Variants in SEMA3D observed in about 807,000 individuals in gnomAD.
SEMA3D encodes the protein semaphorin-3D.
Under a neutral mutation model 100.1 loss-of-function variants are expected in SEMA3D, and 84 were observed. The observed-to-expected ratio is 0.84, with a 90% confidence interval of 0.70 to 1.01. SEMA3D has a LOEUF of 1.01. SEMA3D is among the 50% of genes least tolerant of loss of function. SEMA3D has a pLI of 0.00. For synonymous variants in SEMA3D, 312 were observed against 320.7 expected (o/e 0.97, Z 0.29); for missense variants, 875 against 934.1 (o/e 0.94, Z 0.82).
intron 17 of SEMA3D, among the ~76,000 whole-genome samples, chr7:85,010,662 A>G (rs1036182007): frequency 6.6e-6 from 1 of 151,832 alleles, no homozygotes; most frequent in East Asian, 1.9e-4. Flanking sequence ...GCAATTTATT[A>G]ATATAGGAAA....
chr7:85,088,950 ATC>A (rs1489289745), intron 4 of SEMA3D, among the ~76,000 whole-genome samples: 2 of 152,126 alleles, frequency 1.3e-5, no homozygotes, highest in Non-Finnish European at 2.9e-5. Context: ...TCCACGAATC[ATC>A]TCTGTCTTCT....
At chr7:85,021,797 G>C in intron 13 of SEMA3D, among the ~76,000 whole-genome samples, 1 of 151,678 alleles carries the variant, frequency 6.6e-6, no homozygotes, top group African/African-American at 2.4e-5. Flanking sequence ...CTTTTTTTGA[G>C]ATTAAGTTTT....
intron 17 of SEMA3D, among the ~76,000 whole-genome samples, chr7:85,011,266 A>C (rs1294091284): frequency 6.6e-6 from 1 of 151,824 alleles, no homozygotes; most frequent in Non-Finnish European, 1.5e-5. Context: ...TTAGAGCTTA[A>C]GTAAAAATGA....
chr7:85,166,727 G>A (rs1371578285), intron 1 of SEMA3D, among the ~76,000 whole-genome samples: 1 of 151,922 alleles, frequency 6.6e-6, no homozygotes, highest in Non-Finnish European at 1.5e-5. Flanking sequence ...CATTAGAGAT[G>A]ACTGATGTGT....
At chr7:85,166,464 C>T (rs989404686) in intron 1 of SEMA3D, among the ~76,000 whole-genome samples, 5 of 151,844 alleles carry the variant, frequency 3.3e-5, no homozygotes, top group African/African-American at 1.2e-4. Flanking sequence ...AAAAAAAGAG[C>T]AAAGGAAAGT....
At chr7:85,077,954 T>A (rs1300691583) in intron 5 of SEMA3D, among the ~76,000 whole-genome samples, 2 of 152,146 alleles carry the variant, frequency 1.3e-5, no homozygotes, top group African/African-American at 4.8e-5. Flanking sequence ...CAATAGGGGA[T>A]TGATTAAATA....
At chr7:85,083,737 C>T (rs1482716352) in intron 4 of SEMA3D, among the ~76,000 whole-genome samples, 2 of 150,864 alleles carry the variant, frequency 1.3e-5, no homozygotes, top group East Asian at 2.0e-4. Context: ...GTCCCAGCTA[C>T]TCGGGAGGCT....
the SEMA3D span, among the ~76,000 whole-genome samples, chr7:85,213,368 A>G: frequency 1.3e-5 from 2 of 152,084 alleles, no homozygotes; most frequent in Non-Finnish European, 2.9e-5. Flanking sequence ...GAAATGTATT[A>G]AAAAGTATAG....
At chr7:85,135,170 C>T (rs987356824) in intron 2 of SEMA3D, among the ~76,000 whole-genome samples, 5 of 151,812 alleles carry the variant, frequency 3.3e-5, no homozygotes, top group African/African-American at 7.3e-5. Flanking sequence ...TAGCAGGTAA[C>T]GGCAACTTTG....
intron 3 of SEMA3D, among the ~76,000 whole-genome samples, chr7:85,115,931 G>A (rs147125084): frequency 2.8e-4 from 42 of 152,158 alleles, no homozygotes; most frequent in African/African-American, 8.9e-4. Context: ...CATTAGCAAT[G>A]TTTCCAAGCT....
At chr7:85,003,593 GTAAAA>G (rs1004925568) in intron 18 of SEMA3D, among the ~76,000 whole-genome samples, 5 of 145,746 alleles carry the variant, frequency 3.4e-5, no homozygotes, top group African/African-American at 1.0e-4. Context: ...CAAAATAAAT[GTAAAA>G]TAAAATAAAT....
At chr7:85,138,521 A>G (rs1173861347) in intron 2 of SEMA3D, among the ~76,000 whole-genome samples, 1 of 151,010 alleles carries the variant, frequency 6.6e-6, no homozygotes, top group African/African-American at 2.4e-5. Context: ...TAAAACATTT[A>G]CATAACTCAA....
intron 5 of SEMA3D, among the ~76,000 whole-genome samples, chr7:85,080,771 A>G (rs1284620474): frequency 6.6e-6 from 1 of 152,170 alleles, no homozygotes; most frequent in Non-Finnish European, 1.5e-5. Context: ...GAGATAAATC[A>G]GGTTACATGA....
intron 11 of SEMA3D, among the ~76,000 whole-genome samples, chr7:85,040,134 G>A (rs973297758): frequency 1.1e-4 from 16 of 151,360 alleles, no homozygotes; most frequent in African/African-American, 3.7e-4. Context: ...GTGCCTCCAT[G>A]CCCAGCTATT....
chr7:85,126,425 G>GTGTT, intron 2 of SEMA3D, among the ~76,000 whole-genome samples: 1 of 150,814 alleles, frequency 6.6e-6, no homozygotes, highest in African/African-American at 2.4e-5. Flanking sequence ...GTGTGTGTGT[G>GTGTT]TGTGTGTGTG....
chr7:85,168,644 T>G (rs1790979696), intron 1 of SEMA3D, among the ~76,000 whole-genome samples: 1 of 149,014 alleles, frequency 6.7e-6, no homozygotes, highest in Non-Finnish European at 1.5e-5. Context: ...TTTTTTAATT[T>G]TAATTACTTT....
chr7:85,047,096 C>A (rs1791029387), intron 9 of SEMA3D, among the ~76,000 whole-genome samples: 1 of 151,518 alleles, frequency 6.6e-6, no homozygotes, highest in South Asian at 2.1e-4. Context: ...ACAGAGGGTG[C>A]CTGTTTTCCT....
chr7:85,109,763 C>T (rs1051086809), intron 3 of SEMA3D, among the ~76,000 whole-genome samples: 9 of 151,794 alleles, frequency 5.9e-5, no homozygotes, highest in South Asian at 2.1e-4. Context: ...TACACATGTA[C>T]GGAAAAATCT....
intron 4 of SEMA3D, among the ~76,000 whole-genome samples, chr7:85,087,122 A>G (rs934588991): frequency 1.1e-4 from 17 of 152,244 alleles, no homozygotes; most frequent in African/African-American, 3.9e-4. Flanking sequence ...ACAGCACACA[A>G]CAAAGCACAT....
Sources: gnomAD v4.1 joint callset for allele counts (sites outside exome capture counted in the v4.1 genomes callset) on GRCh38, gnomAD v4.1.1 for gene constraint, MANE v1.5 for transcripts, NCBI Gene and HGNC (gene_info 2026-07-23, HGNC 2026-07-21) for gene names.